INPP5A: variants seen among roughly 807,000 people sequenced by gnomAD.
The protein encoded by INPP5A is 43 kDa inositol polyphosphate 5-phophatase.
INPP5A carries 14 observed loss-of-function variants against 65.2 expected under a neutral mutation model. That is an observed-to-expected ratio of 0.21 (90% CI 0.14 to 0.34). INPP5A has a LOEUF of 0.34. INPP5A is among the 10% of genes least tolerant of loss of function. The pLI is 1.00. For synonymous variants in INPP5A, 207 were observed against 208.3 expected, an observed-to-expected ratio of 0.99 and a Z score of 0.05; for missense variants, 431 against 545.6, an observed-to-expected ratio of 0.79 and a Z score of 2.09.
intron 6 of INPP5A, among the ~76,000 whole-genome samples, chr10:132,699,024 G>C (rs567103382): frequency 6.6e-6 from 1 of 152,238 alleles, no homozygotes; most frequent in Admixed American, 6.5e-5. Context: ...TCCTGTCCTC[G>C]GTCCTGCTTC....
intron 4 of INPP5A, among the ~76,000 whole-genome samples, chr10:132,653,508 C>T (rs762468041): frequency 2.0e-5 from 3 of 152,196 alleles, no homozygotes; most frequent in Non-Finnish European, 4.4e-5. Context: ...TCCAGGGTTC[C>T]TCCCTGGCCC....
intron 3 of INPP5A, among the ~76,000 whole-genome samples, chr10:132,648,730 G>A (rs1419417939): frequency 2.0e-5 from 3 of 152,130 alleles, no homozygotes; most frequent in East Asian, 3.9e-4. Flanking sequence ...TGTTGCTGGC[G>A]AGAATCTCGC....
At chr10:132,635,482 G>A (rs1399265785) in intron 2 of INPP5A, among the ~76,000 whole-genome samples, 2 of 121,656 alleles carry the variant, frequency 1.6e-5, no homozygotes, top group African/African-American at 3.1e-5. Context: ...TGCAAACTCC[G>A]CCTCCCGGGT....
chr10:132,549,707 C>T lies in INPP5A; in HGVS notation c.75+11536C>T, dbSNP rs1258526393. On this transcript the variant is annotated intron_variant, in intron 1 of 15. Transcript: ENST00000368594. The surrounding 1 kb of genome is among the most constrained non-coding windows in gnomAD (Gnocchi z 4.9). ...GCTGCAGGGCGGGAGCCGGGGCTTC[C>T]GTGAGGCTCTGTGACACAGGTCGGG... is the stretch of plus-strand genomic sequence containing the variant. Among the ~76,000 whole-genome samples, 1 of 152,200 alleles carries T rather than the reference C, an allele frequency of 6.6e-6. No homozygotes were observed. Among genetic ancestry groups the T allele is most frequent in the Non-Finnish European group, 1.5e-5 (1 of 68,030 alleles).
At chr10:132,604,361 T>C (rs1252565656) in intron 1 of INPP5A, among the ~76,000 whole-genome samples, 1 of 151,402 alleles carries the variant, frequency 6.6e-6, no homozygotes, top group African/African-American at 2.4e-5. Flanking sequence ...TCCTGCCCTG[T>C]GCTGTCAGGG....
chr10:132,721,422 C>T (rs547995376), intron 8 of INPP5A, among the ~76,000 whole-genome samples: 6 of 148,384 alleles, frequency 4.0e-5, no homozygotes, highest in South Asian at 2.2e-4. Context: ...GTGCCTTAGA[C>T]GGCTGGCTTC....
chr10:132,567,879 C>T (rs2071291118), intron 1 of INPP5A, among the ~76,000 whole-genome samples: 2 of 152,056 alleles, frequency 1.3e-5, no homozygotes, highest in African/African-American at 4.8e-5. Flanking sequence ...ATTACCACAT[C>T]TGGCAAAAAA....
intron 8 of INPP5A, among the ~76,000 whole-genome samples, chr10:132,724,492 G>C (rs1001824388): frequency 2.0e-5 from 3 of 152,252 alleles, no homozygotes; most frequent in Non-Finnish European, 4.4e-5. Context: ...TTGCCTGACA[G>C]AAGCCACCAC....
rs111657503 is a variant in INPP5A, at chr10:132,662,830, G to T, written c.306+12325G>T. On this transcript the variant is annotated intron_variant, in intron 4 of 15. Coordinates refer to ENST00000368594, the MANE Select transcript of INPP5A (RefSeq NM_005539.5). ...GAGCCAAGTGTAAATTGTGTCAAGG[G>T]GCGAAGGGACCCAGGGAACCTTCTG... is the stretch of plus-strand genomic sequence containing the variant. 6.9e-4 allele frequency among the ~76,000 whole-genome samples: 105 copies of T among 152,310 alleles called. 1 individual carries two copies. The highest frequency in any genetic ancestry group is 2.2e-3 in the African/African-American group (93 of 41,562).
intron 1 of INPP5A, among the ~76,000 whole-genome samples, chr10:132,591,364 C>T (rs923577475): frequency 7.5e-6 from 1 of 134,016 alleles, no homozygotes; most frequent in South Asian, 2.7e-4. Context: ...CTGGGCGGGG[C>T]GGGCCGCTGG....
Position 132,623,352 on chromosome 10 carries a change from AGGATTGAC to A in INPP5A, c.117+15397_117+15404del, listed in dbSNP as rs556389506. ...AAGAACTAGACTCACACATACAGTT[AGGATTGAC>A]CAGGGGGTAAAGGCAATTTGTTAAA... On this transcript the variant is annotated intron_variant, in intron 2 of 15. Coordinates refer to ENST00000368594, the MANE Select transcript of INPP5A (RefSeq NM_005539.5). 2.8e-3 allele frequency among the ~76,000 whole-genome samples: 423 copies of A among 152,306 alleles called. 1 individual carries two copies. Among genetic ancestry groups the A allele is most frequent in the African/African-American group, 9.5e-3 (395 of 41,570 alleles).
intron 8 of INPP5A, among the ~76,000 whole-genome samples, chr10:132,723,825 G>A (rs1009034524): frequency 2.6e-5 from 4 of 152,284 alleles, no homozygotes; most frequent in Middle Eastern, 3.4e-3. Flanking sequence ...CTCTCCTGGG[G>A]TCTCGGAGCA....
At position 132,541,893 on chromosome 10, in the gene INPP5A, C is replaced by T. The variant is rs1470194309; in HGVS notation, c.75+3722C>T. Among the ~76,000 whole-genome samples, 8 of 152,388 alleles carry T rather than the reference C, an allele frequency of 5.2e-5. No individual in the cohort carries two copies. In the East Asian group the frequency reaches 7.7e-4, roughly 15 times the overall value. On this transcript the variant is annotated intron_variant, in intron 1 of 15. Transcript: ENST00000368594. ...CTTATGCAGACTGCCAGATCACCCT[C>T]GGTGAGCCCTGCAGCTGGTCTTTAA...
At chr10:132,748,671 G>A (rs1206346449) in intron 9 of INPP5A, among the ~76,000 whole-genome samples, 3 of 152,196 alleles carry the variant, frequency 2.0e-5, no homozygotes, top group Non-Finnish European at 2.9e-5. Context: ...CCGGCTGTCC[G>A]CCAGCCAGGA....
At chr10:132,720,766 G>T in intron 8 of INPP5A, among the ~76,000 whole-genome samples, 1 of 149,862 alleles carries the variant, frequency 6.7e-6, no homozygotes, top group Non-Finnish European at 1.5e-5. Flanking sequence ...CTGTCTTGCG[G>T]GTTCTGTGGT....
intron 3 of INPP5A, among the ~76,000 whole-genome samples, chr10:132,647,665 G>A (rs575624597): frequency 5.9e-5 from 9 of 152,246 alleles, no homozygotes; most frequent in East Asian, 1.9e-4. Context: ...AGTGGAGAGC[G>A]GAGTCGAGGC....
intron 4 of INPP5A, among the ~76,000 whole-genome samples, chr10:132,666,058 A>AG (rs1339923393): frequency 6.7e-6 from 1 of 150,342 alleles, no homozygotes; most frequent in Non-Finnish European, 1.5e-5. Context: ...CTGTCTCAAA[A>AG]AAAAAAAAAA....
At chr10:132,699,776 C>T (rs1005458284) in intron 6 of INPP5A, among the ~76,000 whole-genome samples, 1 of 152,182 alleles carries the variant, frequency 6.6e-6, no homozygotes, top group African/African-American at 2.4e-5. Context: ...GTCTCTCAGC[C>T]CCGCCCCGAA....
chr10:132,763,608 AACAC>A (rs1275827183), intron 11 of INPP5A, among the ~76,000 whole-genome samples: 1 of 148,996 alleles, frequency 6.7e-6, no homozygotes. Flanking sequence ...CCTGCATGCA[AACAC>A]ACACATGCCT....
Sources: gnomAD v4.1 joint callset for allele counts (sites outside exome capture counted in the v4.1 genomes callset) on GRCh38, gnomAD v4.1.1 for gene constraint, Gnocchi (gnomAD v3.1) non-coding constraint, MANE v1.5 for transcripts, NCBI Gene and HGNC (gene_info 2026-07-23, HGNC 2026-07-21) for gene names.